The following NBPF12 variants were observed in gnomAD, a reference collection of about 807,000 sequenced individuals.
The protein encoded by NBPF12 is NBPF family member NBPF12.
A neutral mutation model predicts 146.4 loss-of-function variants in NBPF12; 115 were observed. The ratio of observed to expected loss-of-function variants is 0.79; its 90% confidence interval spans 0.68 to 0.92. NBPF12 has a LOEUF of 0.92. Among genes scored for constraint, NBPF12 ranks in the 40% least tolerant of loss-of-function variants. NBPF12 has a pLI of 0.00. For missense variants in NBPF12, 1,205 were observed against 1,326.8 expected (o/e 0.91, Z 1.43); for synonymous variants, 385 against 508.9 (o/e 0.76, Z 3.28).
chr1:146,955,212 A>AT (rs1655531407), intron 2 of NBPF12, among the ~76,000 whole-genome samples: 1 of 59,050 alleles, frequency 1.7e-5, no homozygotes, highest in Non-Finnish European at 3.2e-5. Context: ...ATCCATAAGA[A>AT]TGGCTAAAAT....
intron 1 of NBPF12, among the ~76,000 whole-genome samples, chr1:146,942,342 T>C (rs2791889): frequency 0.12 from 16,216 of 138,168 alleles, 1,199 homozygotes; most frequent in Admixed American, 0.2. Flanking sequence ...GTACTAAAAT[T>C]TCTTACAGCT....
At chr1:146,975,356 C>G (rs1214852018) in intron 15 of NBPF12, among the ~76,000 whole-genome samples, 1 of 144,236 alleles carries the variant, frequency 6.9e-6, no homozygotes, top group African/African-American at 2.7e-5. Context: ...TGTATTTTCA[C>G]ATGGAAATGT....
At chr1:146,956,455 C>T (rs1356611527) in intron 2 of NBPF12, among the ~76,000 whole-genome samples, 9 of 151,438 alleles carry the variant, frequency 5.9e-5, no homozygotes, top group Non-Finnish European at 1.2e-4. Context: ...TGTAAACGTG[C>T]ATTGAATTAC....
At chr1:146,966,564 G>C in exon 9 of NBPF12, 1 of 1,389,232 alleles carries the variant, frequency 7.2e-7, no homozygotes, top group Middle Eastern at 2.4e-4. Context: ...AAATCAATGA[G>C]AAGTTGCGCC....
exon 4 of NBPF12, chr1:146,960,195 C>G (rs1324620610): frequency 3.6e-5 from 29 of 799,564 alleles, no homozygotes; most frequent in Non-Finnish European, 5.7e-5. Context: ...GATGAACATT[C>G]TAGAAATCAA....
chr1:146,938,663 C>A (rs1175152445), upstream of NBPF12: 10 of 152,134 alleles, frequency 6.6e-5, no homozygotes, highest in Non-Finnish European at 4.4e-5. Flanking sequence ...GCGGCCCGAA[C>A]CCGTTGTGCG....
In NBPF12 at chr1:146,969,330, C is replaced by T. The variant is rs1280980956; in HGVS notation, c.1092-52C>T. The T allele has an allele frequency of 8.4e-5, 60 of 717,888 alleles. 1 individual carries two copies. The highest frequency in any genetic ancestry group is 1.8e-4 in the African/African-American group (10 of 54,916). 44.5% of individuals were successfully genotyped at this position (717,888 alleles called of 1,614,324 possible). ...AGAAATCTCTGTTGCAATATTTGAA[C>T]GGATCACTCAACCCTTTCCACTCTT... On this transcript the variant is annotated intron_variant, in intron 10 of 33. Transcript: ENST00000617844.
At chr1:146,971,004 T>A (rs1253814427) in intron 12 of NBPF12, among the ~76,000 whole-genome samples, 179 bp from the exon 16 acceptor site, 1 of 151,382 alleles carries the variant, frequency 6.6e-6, no homozygotes, top group East Asian at 1.9e-4. Context: ...CTGGCTCCCA[T>A]GGCAGCCATG....
At chr1:146,940,915 G>C (rs1654769956) in intron 1 of NBPF12, among the ~76,000 whole-genome samples, 2 of 151,920 alleles carry the variant, frequency 1.3e-5, no homozygotes. Context: ...TGAAGTGCCT[G>C]TTAAATCTTT....
rs1490709320 is a variant in NBPF12, at chr1:146,955,897, G to A, written c.-183-3962G>A. Among the ~76,000 whole-genome samples, 41 of 150,938 alleles carry A rather than the reference G, an allele frequency of 2.7e-4. No homozygotes were observed. The East Asian group carries it at 3.9e-3, about 14-fold the overall frequency. ...CTGTTAAGAATGCCTTCGTTATTTC[G>A]TCATGCTTTAAGGCCCAGGAAAAAC... On this transcript the variant is annotated intron_variant, in intron 2 of 33. Transcript: ENST00000617844.
chr1:146,948,021 T>C (rs1295311499), upstream of NBPF12, among the ~76,000 whole-genome samples: 2 of 152,160 alleles, frequency 1.3e-5, no homozygotes, highest in African/African-American at 4.8e-5. Context: ...TTTTATCTCT[T>C]TTTTTGGAGA....
chr1:146,981,314 T>TATATATATATAC (rs1346881147), intron 19 of NBPF12, among the ~76,000 whole-genome samples: 1 of 127,828 alleles, frequency 7.8e-6, no homozygotes, highest in African/African-American at 2.9e-5. Context: ...TATATATATA[T>TATATATATATAC]ACATACACAC....
intron 4 of NBPF12, among the ~76,000 whole-genome samples, chr1:146,961,068 C>A (rs1208045548): frequency 3.1e-4 from 47 of 152,052 alleles, no homozygotes; most frequent in African/African-American, 1.1e-3. Flanking sequence ...AGCCTTTGAA[C>A]CCAGCAGGCA....
At chr1:146,950,736 T>C (rs1655289517) in intron 1 of NBPF12, among the ~76,000 whole-genome samples, 4 of 152,170 alleles carry the variant, frequency 2.6e-5, no homozygotes, top group Non-Finnish European at 5.9e-5. Flanking sequence ...ATCACATTCT[T>C]GTATTGATAG....
intron 1 of NBPF12, among the ~76,000 whole-genome samples, chr1:146,941,974 C>T (rs1236325030): frequency 6.7e-5 from 10 of 148,790 alleles, no homozygotes; most frequent in Non-Finnish European, 1.5e-4. Context: ...CCTCCTGCCT[C>T]AGCCTCCTGA....
rs782543413 is a variant in NBPF12 at position 146,994,419 on chromosome 1, T to G, written c.4218T>G (p.Phe1406Leu). 2.0e-5 allele frequency: 32 copies of G among 1,612,292 alleles called. 1 individual carries two copies. In the South Asian group the frequency reaches 3.4e-4, roughly 17 times the overall value. Reference sequence around the variant, plus strand: ...GTTATTCGACTCCATCAATGTACTTTGAACTACCTGACTCATTCCAGCACT... The same window carrying G: ...GTTATTCGACTCCATCAATGTACTTGGAACTACCTGACTCATTCCAGCACT... Residue 1406 changes from phenylalanine (F) to leucine (L), a missense_variant, in exon 34 of 34, where the codon TTT becomes TTG. This residue lies in a region of NBPF12 where 210 missense variants were observed against 94.4 expected (regional missense o/e 2.22). Coordinates refer to ENST00000617844, the Ensembl canonical transcript of NBPF12.
chr1:146,960,312 AAAT>A (rs1655770219), exon 4 of NBPF12: 1 of 1,405,810 alleles, frequency 7.1e-7, no homozygotes, highest in Admixed American at 1.7e-5. Context: ...CCGACAGAAG[AAAT>A]ACAGTAAGAT....
rs1654721447 is a variant in NBPF12 at position 146,939,981 on chromosome 1, TC to T, written c.-822+1000del. Reference sequence around the variant, plus strand: ...GCCTGGGTGACAGAGCGAGACTCCCTCTAAAAAAAAAAAAAAGCCTTTTCTT... The same window carrying T: ...GCCTGGGTGACAGAGCGAGACTCCCTTAAAAAAAAAAAAAAGCCTTTTCTT... On this transcript the variant is annotated intron_variant, in intron 1 of 35. Coordinates refer to the NBPF12 transcript ENST00000617931. Among the ~76,000 whole-genome samples, 3 of 30,374 alleles carry T rather than the reference TC, an allele frequency of 9.9e-5. No homozygotes were observed. In the South Asian group the frequency reaches 6.8e-3, roughly 68 times the overall value. 19.9% of individuals were successfully genotyped at this position (30,374 alleles called of 152,430 possible).
At chr1:146,965,080 C>G in exon 8 of NBPF12, 1 of 1,599,678 alleles carries the variant, frequency 6.3e-7, no homozygotes, top group Non-Finnish European at 8.5e-7. Context: ...TGATGAATGT[C>G]AGGATGCTCT....
Sources: allele counts gnomAD v4.1 joint callset (sites outside exome capture counted in the v4.1 genomes callset), GRCh38; gene constraint gnomAD v4.1.1; regional missense constraint gnomAD v4.1.1; transcripts MANE v1.5; gene names NCBI Gene and HGNC (gene_info 2026-07-23, HGNC 2026-07-21).